GPC5: variants seen among roughly 807,000 people sequenced by gnomAD.
GPC5 encodes glypican 5.
A neutral mutation model predicts 53.9 loss-of-function variants in GPC5; 47 were observed. The ratio of observed to expected loss-of-function variants is 0.87; its 90% CI spans 0.69 to 1.11. GPC5 has a LOEUF of 1.11. Ranked by LOEUF, GPC5 falls within the 50% of genes most tolerant of loss-of-function variation. The pLI is 0.00. For missense variants in GPC5, 748 were observed against 713.1 expected (o/e 1.05, Z -0.56); for synonymous variants, 286 against 263.3 (o/e 1.09, Z -0.84).
intron 2 of GPC5, among the ~76,000 whole-genome samples, chr13:91,589,167 CACTG>C (rs1056564792): frequency 3.2e-4 from 49 of 151,162 alleles, no homozygotes; most frequent in Non-Finnish European, 6.5e-4. Context: ...GATAGCTCCT[CACTG>C]ACTTTCTCTT....
chr13:91,515,894 G>A (rs1885471908), intron 2 of GPC5, among the ~76,000 whole-genome samples: 1 of 152,070 alleles, frequency 6.6e-6, no homozygotes, highest in Non-Finnish European at 1.5e-5. Context: ...ATGGCAGGAG[G>A]TGAAAGGCAC....
intron 5 of GPC5, among the ~76,000 whole-genome samples, chr13:91,834,318 G>A (rs1333707712): frequency 6.6e-6 from 1 of 152,122 alleles, no homozygotes; most frequent in Non-Finnish European, 1.5e-5. Flanking sequence ...GGGCCATACT[G>A]TCCAAAGTAA....
intron 2 of GPC5, among the ~76,000 whole-genome samples, chr13:91,542,833 A>C (rs2030029926): frequency 6.8e-6 from 1 of 146,128 alleles, no homozygotes. Context: ...ACAGGCATGC[A>C]TCACCATGCC....
At chr13:91,993,627 C>T (rs764279748) in intron 6 of GPC5, among the ~76,000 whole-genome samples, 40 of 152,200 alleles carry the variant, frequency 2.6e-4, no homozygotes, top group Non-Finnish European at 4.6e-4. Flanking sequence ...CACTCACACA[C>T]ACACATTAAG....
intron 2 of GPC5, among the ~76,000 whole-genome samples, chr13:91,559,544 G>A (rs1256874998): frequency 1.3e-5 from 2 of 152,120 alleles, no homozygotes; most frequent in Admixed American, 6.6e-5. Context: ...CCAAATTTTT[G>A]TTTGAAAGTT....
In GPC5 at chr13:91,478,822, T is replaced by TATATATATATATAC. The variant is rs1323023652; in HGVS notation, c.325+29901_325+29902insTATATATATATACA. On this transcript the variant is annotated intron_variant, in intron 2 of 7. Transcript: ENST00000377067. The stretch of plus-strand genomic sequence containing the variant: ...ATATATATATATATATATATATATA[T>TATATATATATATAC]ACACACACACACATATATATACACA... Among the ~76,000 whole-genome samples, 244 of 92,112 alleles carry TATATATATATATAC rather than the reference T, an allele frequency of 2.6e-3. 14 individuals are homozygous for TATATATATATATAC. The highest frequency in any genetic ancestry group is 0.012 in the African/African-American group (238 of 19,306). The allele number at this position is 92,112 out of a possible 152,430, so 60.4% of individuals were successfully genotyped here. A position where few individuals can be genotyped will look rare whatever the true frequency, so the allele number is the denominator to read the frequency against.
chr13:91,655,431 A>G (rs898497159), intron 2 of GPC5, among the ~76,000 whole-genome samples: 3 of 152,114 alleles, frequency 2.0e-5, no homozygotes, highest in African/African-American at 7.2e-5. Flanking sequence ...TGTTATTCAT[A>G]TATGGTTGAA....
chr13:92,581,982 T>G (rs1197949130), intron 7 of GPC5, among the ~76,000 whole-genome samples: 1 of 152,186 alleles, frequency 6.6e-6, no homozygotes, highest in Non-Finnish European at 1.5e-5. Flanking sequence ...TTCCAAATAT[T>G]GTCTCATATT....
chr13:92,212,053 C>T (rs1174769186), intron 7 of GPC5, among the ~76,000 whole-genome samples: 16 of 149,536 alleles, frequency 1.1e-4, no homozygotes, highest in South Asian at 2.1e-4. Flanking sequence ...AGCCCTGTTC[C>T]GCAGGTGGTA....
chr13:91,507,076 G>T (rs886199968), intron 2 of GPC5, among the ~76,000 whole-genome samples: 1 of 151,874 alleles, frequency 6.6e-6, no homozygotes, highest in African/African-American at 2.4e-5. Context: ...AGTTTTTGGG[G>T]GCTGCTATAA....
chr13:92,630,781 G>C lies in GPC5; in HGVS notation c.1562-235501G>C, dbSNP rs114116775. 9.3e-3 allele frequency among the ~76,000 whole-genome samples: 1,408 copies of C among 152,192 alleles called. 17 individuals are homozygous for C. The highest frequency in any genetic ancestry group is 0.032 in the African/African-American group (1,321 of 41,514). ...ATGCTGGCCTCTGGTGTCTCAACTTGTCCTAGCAAAACTGTTGTTAATGCA... is the reference window on the plus strand; with the variant it reads ...ATGCTGGCCTCTGGTGTCTCAACTTCTCCTAGCAAAACTGTTGTTAATGCA... On this transcript the variant is annotated intron_variant, in intron 7 of 7. Coordinates refer to ENST00000377067, the MANE Select transcript of GPC5 (RefSeq NM_004466.6).
intron 7 of GPC5, among the ~76,000 whole-genome samples, chr13:92,834,140 G>C (rs1878144575): frequency 6.6e-6 from 1 of 152,138 alleles, no homozygotes; most frequent in African/African-American, 2.4e-5. Context: ...ATTGATTGGA[G>C]AGGAGGAATA....
chr13:92,284,854 C>T (rs1281858847), intron 7 of GPC5, among the ~76,000 whole-genome samples: 2 of 152,144 alleles, frequency 1.3e-5, no homozygotes, highest in Non-Finnish European at 2.9e-5. Context: ...CCCTCTCTCA[C>T]CACGCCTATT....
At chr13:92,813,145 A>G (rs942050990) in intron 7 of GPC5, among the ~76,000 whole-genome samples, 12 of 151,908 alleles carry the variant, frequency 7.9e-5, no homozygotes, top group Admixed American at 2.0e-4. Flanking sequence ...TTATTGCTCT[A>G]ACTTGGAGTT....
At chr13:92,329,311 A>G (rs2043272807) in intron 7 of GPC5, among the ~76,000 whole-genome samples, 1 of 152,174 alleles carries the variant, frequency 6.6e-6, no homozygotes, top group Non-Finnish European at 1.5e-5. Flanking sequence ...ATGAAGCTAA[A>G]GCAGGTACAT....
At chr13:91,401,003 G>T (rs1179292368) in intron 1 of GPC5, among the ~76,000 whole-genome samples, 2 of 152,164 alleles carry the variant, frequency 1.3e-5, no homozygotes, top group Non-Finnish European at 2.9e-5. Flanking sequence ...ATTGCTAGTA[G>T]ATTTTTTAAA....
intron 2 of GPC5, among the ~76,000 whole-genome samples, chr13:91,455,841 A>G (rs1211166650): frequency 6.6e-6 from 1 of 152,068 alleles, no homozygotes; most frequent in Non-Finnish European, 1.5e-5. Flanking sequence ...AAACACACAC[A>G]CATTATATAC....
intron 1 of GPC5, among the ~76,000 whole-genome samples, chr13:91,404,594 A>C (rs931316728): frequency 1.3e-5 from 2 of 152,198 alleles, no homozygotes; most frequent in Non-Finnish European, 2.9e-5. Flanking sequence ...GATTGCCCAA[A>C]TTATCCTAAA....
At chr13:92,266,918 C>T (rs1229221074) in intron 7 of GPC5, among the ~76,000 whole-genome samples, 1 of 151,060 alleles carries the variant, frequency 6.6e-6, no homozygotes, top group East Asian at 1.9e-4. Flanking sequence ...AACTTAATGA[C>T]ACGGAGCACT....
Sources: allele counts gnomAD v4.1 joint callset (sites outside exome capture counted in the v4.1 genomes callset), GRCh38; gene constraint gnomAD v4.1.1; transcripts MANE v1.5; gene names NCBI Gene and HGNC (gene_info 2026-07-23, HGNC 2026-07-21).